The following ANKRD17 variants were observed in gnomAD, a reference collection of about 807,000 sequenced individuals.
ANKRD17 encodes the protein ankyrin repeat domain-containing protein 17.
ANKRD17 carries 19 observed loss-of-function variants against 229.7 expected under a neutral mutation model. The observed-to-expected ratio is 0.08, with a 90% CI of 0.06 to 0.12. The LOEUF (loss-of-function observed/expected upper bound fraction) is 0.12. Among genes scored for constraint, ANKRD17 ranks in the 10% least tolerant of loss-of-function variants. The probability of loss-of-function intolerance (pLI) is 1.00; values close to 1 mark genes in which losing one functional copy is unlikely to be tolerated. For synonymous variants in ANKRD17, 1,112 were observed against 1,146.1 expected (o/e 0.97, Z 0.60); for missense variants, 2,176 against 3,176.8 (o/e 0.68, Z 7.57).
intron 24 of ANKRD17, among the ~76,000 whole-genome samples, chr4:73,106,824 A>G (rs1431197625): frequency 7.3e-6 from 1 of 137,578 alleles, no homozygotes; most frequent in Admixed American, 7.7e-5. Context: ...GGTTGCAGTG[A>G]GCCGAGATTG....
intron 1 of ANKRD17, among the ~76,000 whole-genome samples, chr4:73,220,605 T>C (rs1741718020): frequency 6.6e-6 from 1 of 152,262 alleles, no homozygotes; most frequent in Middle Eastern, 3.4e-3. Context: ...ATTTGTGTTA[T>C]GTTCACTAAT....
intron 29 of ANKRD17, 135 bp downstream of exon 29, chr4:73,090,532 C>A: frequency 1.9e-6 from 2 of 1,079,396 alleles, no homozygotes; most frequent in Non-Finnish European, 1.3e-6. Context: ...ACACAAACAA[C>A]AGCATCTGAG....
chr4:73,203,510 C>G (rs953815265), intron 1 of ANKRD17, among the ~76,000 whole-genome samples: 6 of 152,094 alleles, frequency 3.9e-5, no homozygotes, highest in Non-Finnish European at 5.9e-5. Flanking sequence ...GTAATCCCAG[C>G]ACTTTGGGAG....
chr4:73,244,313 C>A (rs1366442380), intron 1 of ANKRD17, among the ~76,000 whole-genome samples: 1 of 152,082 alleles, frequency 6.6e-6, no homozygotes, highest in Non-Finnish European at 1.5e-5. Context: ...GAAACATGGA[C>A]ATGATGCTAG....
chr4:73,091,424 T>C lies in ANKRD17; in HGVS notation c.6204A>G (p.Pro2068=), dbSNP rs199848206. ...GTTCGGAGGAAGATGCCACTTTATT[T>C]GGAGATGCTGATCCACAATCCAAAG... The part of the protein sequence containing the change: ...NSPLDCGSAS[P]NKVASSSEQE... Residue 2068 remains proline (P), a synonymous_variant, in exon 29 of 34, where the codon CCA becomes CCG. Transcript: ENST00000358602. 1.9e-6 allele frequency: 3 copies of C among 1,614,140 alleles called. No homozygotes were observed. Among genetic ancestry groups the C allele is most frequent in the Non-Finnish European group, 1.7e-6 (2 of 1,180,022 alleles).
Position 73,181,006 on chromosome 4 carries a change from A to G in ANKRD17, c.394-3473T>C, listed in dbSNP as rs112290027. On this transcript the variant is annotated intron_variant, in intron 1 of 33. Coordinates refer to ENST00000358602, the MANE Select transcript of ANKRD17 (RefSeq NM_032217.5). ...TCTAACTCACTGTCAGGATTCAAGC[A>G]ACTATTGAATAAGTCAGAATCTGTA... Among the ~76,000 whole-genome samples the G allele has an allele frequency of 2.5e-3, 379 of 152,316 alleles. 2 individuals carry two copies. The highest frequency in any genetic ancestry group is 0.016 in the South Asian group (77 of 4,826).
intron 1 of ANKRD17, among the ~76,000 whole-genome samples, chr4:73,228,196 A>G (rs1742693869): frequency 1.3e-5 from 2 of 152,190 alleles, no homozygotes; most frequent in South Asian, 2.1e-4. Flanking sequence ...AACCAAGTAT[A>G]AGTGAAAGAT....
At chr4:73,242,766 G>T (rs1744161068) in intron 1 of ANKRD17, among the ~76,000 whole-genome samples, 1 of 152,060 alleles carries the variant, frequency 6.6e-6, no homozygotes, top group Non-Finnish European at 1.5e-5. Flanking sequence ...TTTCGCCAAG[G>T]TTCAACTGTG....
At chr4:73,078,923 GTCA>G (rs1721278242) in intron 30 of ANKRD17, 33 bp from the exon 31 acceptor site, 2 of 1,587,100 alleles carry the variant, frequency 1.3e-6, no homozygotes, top group African/African-American at 1.4e-5. Context: ...TAAAATACAG[GTCA>G]TCTATAGAAC....
chr4:73,226,667 A>C (rs1363022517), intron 1 of ANKRD17, among the ~76,000 whole-genome samples: 1 of 152,014 alleles, frequency 6.6e-6, no homozygotes, highest in Non-Finnish European at 1.5e-5. Context: ...TGCTGGGATT[A>C]CAGGCGTGAG....
At chr4:73,085,521 G>T in intron 29 of ANKRD17, 75 bp from the exon 30 acceptor site, 1 of 1,279,698 alleles carries the variant, frequency 7.8e-7, no homozygotes. Context: ...AATTCTAAAA[G>T]GCCCTAAATA....
intron 1 of ANKRD17, among the ~76,000 whole-genome samples, chr4:73,228,353 A>C (rs1262457593): frequency 6.6e-6 from 1 of 152,200 alleles, no homozygotes; most frequent in Non-Finnish European, 1.5e-5. Flanking sequence ...GAATCTAGAT[A>C]TATGTCTAAT....
In ANKRD17 at chr4:73,098,481, G is replaced by A. The variant is rs866057944; in HGVS notation, c.4613C>T (p.Thr1538Ile). The A allele has an allele frequency of 6.2e-7, 1 of 1,613,676 alleles. No individual in the cohort carries two copies. Among genetic ancestry groups the A allele is most frequent in the African/African-American group, 1.3e-5 (1 of 74,914 alleles). ...EVLTEPPSAT[T>I]TTTIGISATW... Reference sequence around the variant, plus strand: ...TGCAGATATACCTATGGTAGTAGTGGTTGTGGCACTTGGAGGTTCTGTCAA... The same window carrying A: ...TGCAGATATACCTATGGTAGTAGTGATTGTGGCACTTGGAGGTTCTGTCAA... The change falls in exon 26 of 34, where the codon ACC becomes ATC. Residue 1538 changes from threonine to isoleucine, a missense_variant. Coordinates refer to ENST00000358602, the MANE Select transcript of ANKRD17 (RefSeq NM_032217.5).
At chr4:73,195,990 G>A (rs191840708) in intron 1 of ANKRD17, among the ~76,000 whole-genome samples, 11 of 149,984 alleles carry the variant, frequency 7.3e-5, no homozygotes, top group Admixed American at 2.0e-4. Context: ...TGATTCTTTC[G>A]AAGAACCATG....
chr4:73,255,575 G>A (rs548964209), intron 1 of ANKRD17, among the ~76,000 whole-genome samples: 3 of 152,064 alleles, frequency 2.0e-5, no homozygotes, highest in Non-Finnish European at 4.4e-5. Flanking sequence ...CAGTAAAATG[G>A]TAATTAAGAG....
At chr4:73,119,841 CAG>C (rs1313765842) in intron 21 of ANKRD17, among the ~76,000 whole-genome samples, 1 of 152,178 alleles carries the variant, frequency 6.6e-6, no homozygotes, top group African/African-American at 2.4e-5. Flanking sequence ...AGATCACTGC[CAG>C]ACTTTTAAGA....
intron 24 of ANKRD17, among the ~76,000 whole-genome samples, chr4:73,106,113 G>A (rs930865267): frequency 6.6e-6 from 1 of 152,122 alleles, no homozygotes; most frequent in African/African-American, 2.4e-5. Context: ...GTGTGTGGGG[G>A]AGGTTAGAGG....
At chr4:73,121,817 T>C in intron 18 of ANKRD17, 58 bp from the exon 19 acceptor site, 3 of 1,502,352 alleles carry the variant, frequency 2.0e-6, no homozygotes, top group East Asian at 2.3e-5. Context: ...TACCAAAGTG[T>C]GTATTTTTAA....
At chr4:73,097,007 A>T (rs1723824766) in intron 27 of ANKRD17, 110 bp downstream of exon 27, 1 of 1,283,640 alleles carries the variant, frequency 7.8e-7, no homozygotes, top group South Asian at 1.5e-5. Context: ...GCCTTGAACC[A>T]TCAGTTTGTT....
Sources: gnomAD v4.1 joint callset for allele counts (sites outside exome capture counted in the v4.1 genomes callset) on GRCh38, gnomAD v4.1.1 for gene constraint, MANE v1.5 for transcripts, NCBI Gene and HGNC (gene_info 2026-07-23, HGNC 2026-07-21) for gene names.